USP14: variants seen among roughly 807,000 people sequenced by gnomAD.
USP14 encodes ubiquitin specific peptidase 14.
Under a neutral mutation model 76.5 loss-of-function variants are expected in USP14, and 38 were observed. The observed-to-expected ratio is 0.50, with a 90% CI of 0.38 to 0.65. The LOEUF (loss-of-function observed/expected upper bound fraction) is 0.65. USP14 is among the 30% of genes least tolerant of loss of function. The pLI is 0.00. For synonymous variants in USP14, 192 were observed against 191.7 expected (o/e 1.00, Z -0.01); for missense variants, 467 against 586.5 (o/e 0.80, Z 2.10).
At chr18:190,098 A>G (rs1044002126) in intron 5 of USP14, among the ~76,000 whole-genome samples, 10 of 152,068 alleles carry the variant, frequency 6.6e-5, no homozygotes, top group Non-Finnish European at 1.3e-4. Context: ...TAGTGTATCC[A>G]TGTTCTGTGT....
intron 5 of USP14, among the ~76,000 whole-genome samples, chr18:185,410 C>A (rs994215239): frequency 6.6e-6 from 1 of 152,158 alleles, no homozygotes; most frequent in Non-Finnish European, 1.5e-5. Flanking sequence ...CCGCCTCAGC[C>A]TCCCAAAGTG....
chr18:192,797 G>C (rs926971388), intron 5 of USP14, 45 bp from the exon 6 acceptor site: 14 of 1,587,888 alleles, frequency 8.8e-6, no homozygotes, highest in Non-Finnish European at 1.2e-5. Context: ...TTGAGTGTTA[G>C]AATGAATTGA....
intron 5 of USP14, among the ~76,000 whole-genome samples, chr18:191,703 A>G: frequency 6.6e-6 from 1 of 152,180 alleles, no homozygotes; most frequent in East Asian, 1.9e-4. Context: ...TTCACTCAGT[A>G]TCTAGCTTGG....
chr18:198,143 G>A lies in USP14; in HGVS notation c.761+11G>A, dbSNP rs777061466. 16 of 1,598,392 alleles carry A rather than the reference G, an allele frequency of 1.0e-5. No homozygotes were observed. Among genetic ancestry groups the A allele is most frequent in the Non-Finnish European group, 1.3e-5 (15 of 1,170,318 alleles). ...TGAGTTTGAAACTACGTATCCTTAT[G>A]AGCCAAGATATAGACTATACTCATA... On this transcript the variant is annotated intron_variant, in intron 9 of 15. Coordinates refer to ENST00000261601, the MANE Select transcript of USP14 (RefSeq NM_005151.4).
chr18:186,226 C>A (rs118184408), intron 5 of USP14, among the ~76,000 whole-genome samples: 3,602 of 152,222 alleles, frequency 0.024, 72 homozygotes, highest in Middle Eastern at 0.048. Context: ...CTTTGGGAGG[C>A]TGAATCTATA....
intron 2 of USP14, among the ~76,000 whole-genome samples, chr18:165,227 G>T (rs1278993270): frequency 1.3e-5 from 2 of 152,186 alleles, no homozygotes; most frequent in Admixed American, 6.5e-5. Context: ...GATTACAGGC[G>T]TGAGCCACCA....
chr18:199,473 A>G (rs1282386268), intron 10 of USP14, among the ~76,000 whole-genome samples, 157 bp downstream of exon 10: 2 of 152,214 alleles, frequency 1.3e-5, no homozygotes, highest in African/African-American at 4.8e-5. Flanking sequence ...TCTGAGGTCA[A>G]ACAAGTACTT....
chr18:181,331 A>C (rs1332680967), intron 5 of USP14, among the ~76,000 whole-genome samples: 1 of 152,212 alleles, frequency 6.6e-6, no homozygotes, highest in Admixed American at 6.5e-5. Flanking sequence ...CAATGTGAGA[A>C]AATTGCCAAT....
chr18:167,250 C>G (rs1412112334), intron 3 of USP14, among the ~76,000 whole-genome samples: 2 of 152,128 alleles, frequency 1.3e-5, no homozygotes, highest in Non-Finnish European at 2.9e-5. Context: ...CCACTGCACT[C>G]CAGCCTGGCA....
chr18:204,859 A>G (rs1195819030), intron 13 of USP14, among the ~76,000 whole-genome samples, 167 bp downstream of exon 13: 1 of 151,604 alleles, frequency 6.6e-6, no homozygotes, highest in Non-Finnish European at 1.5e-5. Context: ...CACATCCTCC[A>G]TATATCAGTG....
chr18:204,727 T>C (rs2143089923), intron 13 of USP14, 35 bp downstream of exon 13: 1 of 1,598,594 alleles, frequency 6.3e-7, no homozygotes, highest in Non-Finnish European at 8.5e-7. Context: ...ACTCTTAATA[T>C]CTTAATCTCC....
chr18:174,030 A>C (rs1653436213), intron 3 of USP14, among the ~76,000 whole-genome samples: 1 of 151,964 alleles, frequency 6.6e-6, no homozygotes, highest in Non-Finnish European at 1.5e-5. Context: ...TGCGTTGGCT[A>C]TTCTGGGAAC....
chr18:171,025 A>AAAAAAAAAAAAATAT (rs1327304974), intron 3 of USP14, among the ~76,000 whole-genome samples: 1 of 47,682 alleles, frequency 2.1e-5, no homozygotes, highest in African/African-American at 8.7e-5. Flanking sequence ...AAAAAAAAAA[A>AAAAAAAAAAAAATAT]ATATATATAT....
At chr18:195,166 A>G (rs1245828689) in intron 6 of USP14, among the ~76,000 whole-genome samples, 1 of 151,320 alleles carries the variant, frequency 6.6e-6, no homozygotes, top group Non-Finnish European at 1.5e-5. Flanking sequence ...TACTTTTGAG[A>G]TGCTCTGTTG....
intron 3 of USP14, among the ~76,000 whole-genome samples, chr18:171,056 A>ATATATT (rs1568416863): frequency 1.4e-5 from 2 of 139,368 alleles, no homozygotes; most frequent in African/African-American, 5.4e-5. Flanking sequence ...ATATATATAT[A>ATATATT]AACTGAAGCT....
Position 210,515 on chromosome 18 carries a change from A to G in USP14, c.1333+22A>G, listed in dbSNP as rs373715268. 53 of 1,487,364 alleles carry G rather than the reference A, an allele frequency of 3.6e-5. No homozygotes were observed. The Admixed American group carries it at 4.3e-4, about 12-fold the overall frequency. The allele number at this position is 1,487,364 out of a possible 1,614,324, so 92.1% of individuals were successfully genotyped here. On this transcript the variant is annotated intron_variant, in intron 15 of 15. Transcript: ENST00000261601. Reference sequence around the variant, plus strand: ...CAAGGTAAAGGGTATTCTTTTTTCAACTGTTCAATATTATTTTAACAGTTC... The same window carrying G: ...CAAGGTAAAGGGTATTCTTTTTTCAGCTGTTCAATATTATTTTAACAGTTC...
intron 9 of USP14, among the ~76,000 whole-genome samples, chr18:198,338 A>C (rs1040238728): frequency 1.3e-5 from 2 of 152,156 alleles, no homozygotes; most frequent in African/African-American, 4.8e-5. Flanking sequence ...CCTGGGTTCA[A>C]ACAGTTCTGC....
intron 5 of USP14, among the ~76,000 whole-genome samples, chr18:182,419 AAGAGAAGGG>A (rs1467651843): frequency 6.6e-6 from 1 of 152,198 alleles, no homozygotes; most frequent in Non-Finnish European, 1.5e-5. Context: ...AACTGAGCAG[AAGAGAAGGG>A]AGAGAAGGAG....
chr18:188,700 CAG>C (rs1242256029), intron 5 of USP14, among the ~76,000 whole-genome samples: 1 of 151,910 alleles, frequency 6.6e-6, no homozygotes, highest in Non-Finnish European at 1.5e-5. Context: ...TATTTTGAGA[CAG>C]AGTCTCGCTG....
Sources: allele counts gnomAD v4.1 joint callset (sites outside exome capture counted in the v4.1 genomes callset), GRCh38; gene constraint gnomAD v4.1.1; transcripts MANE v1.5; gene names NCBI Gene and HGNC (gene_info 2026-07-23, HGNC 2026-07-21).